The following B3GAT2 variants were observed in gnomAD, a reference collection of about 807,000 sequenced individuals.
B3GAT2 encodes galactosylgalactosylxylosylprotein 3-beta-glucuronosyltransferase 2.
A neutral mutation model predicts 27.8 loss-of-function variants in B3GAT2; 26 were observed. The observed-to-expected ratio is 0.93, with a 90% CI of 0.68 to 1.30. The LOEUF (loss-of-function observed/expected upper bound fraction) is 1.30. Among genes scored for constraint, B3GAT2 ranks in the 50% most tolerant of loss-of-function variants. B3GAT2 has a pLI of 0.00. For synonymous variants in B3GAT2, 218 were observed against 195.1 expected (o/e 1.12, Z -0.98); for missense variants, 458 against 459.0 (o/e 1.00, Z 0.02).
rs749451987 is a variant in B3GAT2 at position 70,861,960 on chromosome 6, T to G, written c.755A>C (p.Gln252Pro). Reference protein sequence around the residue: ...IDMAGFAVSLQVILSNPKAVF... With the variant: ...IDMAGFAVSLPVILSNPKAVF... Reference sequence around the variant, plus strand: ...AGCTTTTGGATTGGACAAAATGACTTGAAGACTTACAGCAAATCCTTTGTG... The same window carrying G: ...AGCTTTTGGATTGGACAAAATGACTGGAAGACTTACAGCAAATCCTTTGTG... Residue 252 changes from glutamine (Q) to proline (P), a missense_variant, in exon 3 of 4, where the codon CAA becomes CCA. Transcript: ENST00000230053. 1.2e-6 allele frequency: 2 copies of G among 1,612,396 alleles called. No individual in the cohort carries two copies. The highest frequency in any genetic ancestry group is 2.2e-5 in the East Asian group (1 of 44,808).
At chr6:70,871,271 T>C (rs1037615955) in intron 2 of B3GAT2, among the ~76,000 whole-genome samples, 9 of 150,040 alleles carry the variant, frequency 6.0e-5, no homozygotes, top group Admixed American at 1.3e-4. Context: ...CAGGGTAACA[T>C]TGGCTTGGTA....
intron 1 of B3GAT2, among the ~76,000 whole-genome samples, chr6:70,950,876 C>T (rs1375755970): frequency 6.6e-6 from 1 of 152,084 alleles, no homozygotes; most frequent in Non-Finnish European, 1.5e-5. Flanking sequence ...CTATATTTTG[C>T]TTGTATCCAT....
Position 70,905,879 on chromosome 6 carries a change from C to T in B3GAT2, c.592-11607G>A, listed in dbSNP as rs531983921. On this transcript the variant is annotated intron_variant, in intron 1 of 3. Coordinates refer to ENST00000230053, the MANE Select transcript of B3GAT2 (RefSeq NM_080742.3). ...AAAAAATATGGTCCCGGAATGTCTC[C>T]TGGCACTGTGTGTGTGTGTGTGTGT... is the stretch of plus-strand genomic sequence containing the variant. 7.5e-3 allele frequency among the ~76,000 whole-genome samples: 867 copies of T among 115,480 alleles called. 5 individuals are homozygous for T. The highest frequency in any genetic ancestry group is 0.05 in the Middle Eastern group (12 of 240). The allele number at this position is 115,480 out of a possible 152,430, so 75.8% of individuals were successfully genotyped here.
At chr6:70,930,173 C>G (rs1201422490) in intron 1 of B3GAT2, among the ~76,000 whole-genome samples, 2 of 152,176 alleles carry the variant, frequency 1.3e-5, no homozygotes, top group Non-Finnish European at 2.9e-5. Flanking sequence ...CTTCCTTACA[C>G]CTTATACAAA....
In B3GAT2 at chr6:70,860,466, TG is replaced by T; in HGVS notation, c.*1196del. On this transcript the variant is annotated 3_prime_UTR_variant, in exon 4 of 4. Coordinates refer to ENST00000230053, the MANE Select transcript of B3GAT2 (RefSeq NM_080742.3). ...TTGTTCATATTAAGAATGATCTGAT[TG>T]ACCGTGTTGGTCTGTACTGATTCAA... 1 of 1,107,672 alleles carries T rather than the reference TG, an allele frequency of 9.0e-7. No homozygotes were observed. Among genetic ancestry groups the T allele is most frequent in the Non-Finnish European group, 1.3e-6 (1 of 795,640 alleles). The allele number at this position is 1,107,672 out of a possible 1,614,324, so 68.6% of individuals were successfully genotyped here.
At chr6:70,923,410 C>A (rs1772903377) in intron 1 of B3GAT2, among the ~76,000 whole-genome samples, 1 of 152,110 alleles carries the variant, frequency 6.6e-6, no homozygotes, top group Non-Finnish European at 1.5e-5. Flanking sequence ...GGTGCAACGG[C>A]TCACACCCGT....
At chr6:70,891,346 C>T (rs1772285354) in intron 2 of B3GAT2, among the ~76,000 whole-genome samples, 1 of 152,050 alleles carries the variant, frequency 6.6e-6, no homozygotes, top group South Asian at 2.1e-4. Context: ...AAAAAATATC[C>T]TCCAATGGAA....
intron 2 of B3GAT2, among the ~76,000 whole-genome samples, chr6:70,868,482 T>C (rs1279368718): frequency 6.6e-6 from 1 of 152,244 alleles, no homozygotes; most frequent in East Asian, 1.9e-4. Flanking sequence ...CACTGCCACA[T>C]TCTCTCTTCT....
At chr6:70,884,024 T>C (rs555161656) in intron 2 of B3GAT2, among the ~76,000 whole-genome samples, 2 of 138,322 alleles carry the variant, frequency 1.4e-5, no homozygotes, top group South Asian at 2.3e-4. Context: ...AGGAAGGAAA[T>C]AGGAGTCGCT....
chr6:70,859,210 A>T lies in B3GAT2; in HGVS notation c.*2453T>A, dbSNP rs147083331. 1.1e-5 allele frequency: 7 copies of T among 626,688 alleles called. No homozygotes were observed. In the East Asian group the frequency reaches 1.4e-4, roughly 13 times the overall value. The allele number at this position is 626,688 out of a possible 1,614,324, so 38.8% of individuals were successfully genotyped here. On this transcript the variant is annotated 3_prime_UTR_variant, in exon 4 of 4. Coordinates refer to ENST00000230053, the MANE Select transcript of B3GAT2 (RefSeq NM_080742.3). ...AAAACATTGGTCTCTACCCGCTGGG[A>T]ATCTAAAAAATTGTATGTGCTAAGT...
intron 2 of B3GAT2, among the ~76,000 whole-genome samples, chr6:70,884,371 T>G (rs1028877538): frequency 1.2e-4 from 18 of 152,302 alleles, no homozygotes; most frequent in African/African-American, 4.1e-4. Flanking sequence ...ATCTTAATTT[T>G]GATAATCCTT....
chr6:70,884,353 A>C (rs1000995653), intron 2 of B3GAT2, among the ~76,000 whole-genome samples: 3 of 152,200 alleles, frequency 2.0e-5, no homozygotes, highest in African/African-American at 7.2e-5. Context: ...AGAAGCGAGA[A>C]GCTTTAAATC....
At chr6:70,899,114 A>G (rs908266774) in intron 1 of B3GAT2, among the ~76,000 whole-genome samples, 2 of 152,202 alleles carry the variant, frequency 1.3e-5, no homozygotes, top group Non-Finnish European at 2.9e-5. Context: ...ACAGGTAATA[A>G]ATGAACAGAA....
rs1582407068 is a variant in B3GAT2 at position 70,956,230 on chromosome 6, T to C, written c.200A>G (p.Asn67Ser). Reference protein sequence around the residue: ...GGPAHGTQKRNQSRPQPQPEP... With the variant: ...GGPAHGTQKRSQSRPQPQPEP... The stretch of plus-strand genomic sequence containing the variant: ...CGGCTGTGGCTGCGGCCGAGACTGG[T>C]TGCGCTTTTGGGTCCCGTGAGCCGG... Residue 67 changes from asparagine to serine, a missense_variant, in exon 1 of 4, where the codon AAC becomes AGC. Physicochemically the swap from Asn to Ser is conservative, Grantham distance 46 (BLOSUM62 1). Coordinates refer to ENST00000230053, the MANE Select transcript of B3GAT2 (RefSeq NM_080742.3). The C allele has an allele frequency of 6.2e-7, 1 of 1,612,424 alleles. No individual in the cohort carries two copies. The highest frequency in any genetic ancestry group is 1.3e-5 in the African/African-American group (1 of 74,986).
chr6:70,894,002 AATATG>A, intron 2 of B3GAT2, 121 bp downstream of exon 2: 1 of 1,021,802 alleles, frequency 9.8e-7, no homozygotes, highest in Non-Finnish European at 1.3e-6. Context: ...TCATCTCCTG[AATATG>A]ATATGATGTA....
In B3GAT2 at chr6:70,908,538, A is replaced by G. The variant is rs984741659; in HGVS notation, c.592-14266T>C. 3.3e-5 allele frequency among the ~76,000 whole-genome samples: 5 copies of G among 152,260 alleles called. No individual in the cohort carries two copies. The South Asian group carries it at 8.3e-4, about 25-fold the overall frequency. ...GAAGCAGTAGACTAGAGGTATACAT[A>G]GCAATATAAATAAACCTCAAAAACA... is the stretch of plus-strand genomic sequence containing the variant. On this transcript the variant is annotated intron_variant, in intron 1 of 3. Coordinates refer to ENST00000230053, the MANE Select transcript of B3GAT2 (RefSeq NM_080742.3).
intron 2 of B3GAT2, among the ~76,000 whole-genome samples, chr6:70,862,985 A>G (rs1263991457): frequency 1.3e-5 from 2 of 152,222 alleles, no homozygotes; most frequent in Non-Finnish European, 2.9e-5. Flanking sequence ...CTCAAAGAAA[A>G]AAGAATCATT....
At chr6:70,935,839 A>G (rs1765266119) in intron 1 of B3GAT2, among the ~76,000 whole-genome samples, 1 of 152,186 alleles carries the variant, frequency 6.6e-6, no homozygotes, top group Admixed American at 6.5e-5. Context: ...AAGAAACTGC[A>G]TCAACTAACG....
intron 2 of B3GAT2, among the ~76,000 whole-genome samples, chr6:70,869,984 G>A (rs144661416): frequency 0.01 from 1,551 of 152,192 alleles, 12 homozygotes; most frequent in Non-Finnish European, 0.015. Context: ...TCAGTGTGGC[G>A]ATTCCTCAGG....
Sources: gnomAD v4.1 joint callset for allele counts (sites outside exome capture counted in the v4.1 genomes callset) on GRCh38, gnomAD v4.1.1 for gene constraint, MANE v1.5 for transcripts, NCBI Gene and HGNC (gene_info 2026-07-23, HGNC 2026-07-21) for gene names.